ZPBP: variants seen among roughly 807,000 people sequenced by gnomAD.
The protein encoded by ZPBP is zona pellucida-binding protein 1.
ZPBP carries 26 observed loss-of-function variants against 44.8 expected under a neutral mutation model. That is an observed-to-expected ratio of 0.58 (90% CI 0.43 to 0.81). ZPBP has a LOEUF of 0.81. Ranked by LOEUF, ZPBP falls within the 30% of genes least tolerant of loss-of-function variation. The pLI, the probability that ZPBP is intolerant of heterozygous loss-of-function variation, is 0.00. For missense variants in ZPBP, 409 were observed against 434.0 expected, an observed-to-expected ratio of 0.94 and a Z score of 0.51; for synonymous variants, 174 against 153.2, an observed-to-expected ratio of 1.14 and a Z score of -1.00.
chr7:50,048,812 G>A (rs892509596), intron 4 of ZPBP, among the ~76,000 whole-genome samples: 11 of 151,616 alleles, frequency 7.3e-5, no homozygotes, highest in East Asian at 3.9e-4. Flanking sequence ...TATAAAACAC[G>A]CAGAATGAAT....
At chr7:50,049,559 C>T (rs577547124) in intron 4 of ZPBP, among the ~76,000 whole-genome samples, 1 of 151,390 alleles carries the variant, frequency 6.6e-6, no homozygotes, top group African/African-American at 2.4e-5. Context: ...AAATAAAAAA[C>T]ACATTTATAT....
At chr7:50,024,464 TAC>T (rs34796150) in intron 5 of ZPBP, among the ~76,000 whole-genome samples, 119,041 of 151,086 alleles carry the variant, frequency 0.79, 46,973 homozygotes, top group East Asian at 0.87. Flanking sequence ...TAATGCATTA[TAC>T]ACACACACAC....
intron 2 of ZPBP, among the ~76,000 whole-genome samples, chr7:49,868,903 G>A (rs1486387644): frequency 6.6e-6 from 1 of 152,254 alleles, no homozygotes; most frequent in East Asian, 1.9e-4. Context: ...ACGGGCATGA[G>A]CCACTGCACC....
intron 1 of ZPBP, among the ~76,000 whole-genome samples, chr7:49,903,195 T>C (rs1792872511): frequency 6.6e-6 from 1 of 152,222 alleles, no homozygotes; most frequent in Non-Finnish European, 1.5e-5. Flanking sequence ...TTTGTCAGTT[T>C]CTTATAAAAC....
At chr7:50,081,689 T>A in intron 3 of ZPBP, 85 bp downstream of exon 3, 1 of 1,474,974 alleles carries the variant, frequency 6.8e-7, no homozygotes, top group Middle Eastern at 2.3e-4. Flanking sequence ...ATAACATAAA[T>A]ATGTATGAGA....
At chr7:50,061,485 G>A (rs1053482877) in intron 3 of ZPBP, among the ~76,000 whole-genome samples, 1 of 152,156 alleles carries the variant, frequency 6.6e-6, no homozygotes, top group Non-Finnish European at 1.5e-5. Context: ...CAGATCATTT[G>A]AGGCCATGAG....
intron 2 of ZPBP, among the ~76,000 whole-genome samples, chr7:50,086,678 T>A (rs1488922569): frequency 6.6e-6 from 1 of 151,696 alleles, no homozygotes; most frequent in Non-Finnish European, 1.5e-5. Context: ...AAAAAAAGAA[T>A]AAAGATCAAT....
intron 2 of ZPBP, among the ~76,000 whole-genome samples, chr7:49,895,935 TTAAG>T (rs1405676918): frequency 6.6e-6 from 1 of 152,228 alleles, no homozygotes; most frequent in Non-Finnish European, 1.5e-5. Context: ...ATACATTCTC[TTAAG>T]TAATTCATAT....
chr7:49,950,297 T>C (rs1344944301), intron 7 of ZPBP, among the ~76,000 whole-genome samples: 1 of 151,910 alleles, frequency 6.6e-6, no homozygotes, highest in Non-Finnish European at 1.5e-5. Context: ...CAGTCTTGAC[T>C]GGATAGATTC....
At chr7:49,870,121 C>T (rs777789292) in intron 2 of ZPBP, among the ~76,000 whole-genome samples, 5 of 152,200 alleles carry the variant, frequency 3.3e-5, no homozygotes, top group Admixed American at 6.5e-5. Flanking sequence ...AACATTTTCG[C>T]TGGGTGCGGT....
chr7:50,052,544 G>A (rs1800746167), intron 4 of ZPBP, among the ~76,000 whole-genome samples: 1 of 152,010 alleles, frequency 6.6e-6, no homozygotes, highest in Non-Finnish European at 1.5e-5. Flanking sequence ...CAGTTTGGCA[G>A]TTTTTTATAA....
chr7:50,023,308 C>A (rs1001795584), intron 5 of ZPBP, among the ~76,000 whole-genome samples: 2 of 152,016 alleles, frequency 1.3e-5, no homozygotes, highest in Non-Finnish European at 2.9e-5. Context: ...TGCTTACCCC[C>A]CATACATGCA....
chr7:49,940,709 T>TA lies in ZPBP; in HGVS notation c.962-3088dup. On this transcript the variant is annotated intron_variant, in intron 7 of 7. Transcript: ENST00000046087. ...TAAAAAAAAAAAATTGTGGCATTTT[T>TA]ACTCACCACTGTCCCACCTCCTTCC... 4.1e-6 allele frequency: 4 copies of TA among 978,426 alleles called. No homozygotes were observed. The South Asian group carries it at 1.9e-4, about 46-fold the overall frequency. The allele number at this position is 978,426 out of a possible 1,614,324, so 60.6% of individuals were successfully genotyped here.
intron 4 of ZPBP, among the ~76,000 whole-genome samples, chr7:50,035,152 G>A (rs1233570688): frequency 6.6e-6 from 1 of 152,144 alleles, no homozygotes; most frequent in Non-Finnish European, 1.5e-5. Context: ...CCTATGTTTT[G>A]TCACTAAATT....
chr7:49,858,799 AAT>A (rs1190409030), intron 2 of ZPBP, among the ~76,000 whole-genome samples: 1 of 152,198 alleles, frequency 6.6e-6, no homozygotes, highest in African/African-American at 2.4e-5. Flanking sequence ...TAGTATTAAA[AAT>A]GTTACTTATT....
At chr7:49,873,536 G>C (rs983948006) in intron 2 of ZPBP, among the ~76,000 whole-genome samples, 2 of 152,182 alleles carry the variant, frequency 1.3e-5, no homozygotes, top group African/African-American at 4.8e-5. Flanking sequence ...CACAGCGGTT[G>C]GCTAGAGTGT....
intron 1 of ZPBP, chr7:49,917,302 C>CTTT (rs1793774123): frequency 6.6e-6 from 1 of 152,146 alleles, no homozygotes; most frequent in Non-Finnish European, 1.5e-5. Context: ...CTAGCCTTAA[C>CTTT]ACAAAGATTT....
chr7:49,879,759 C>A (rs562952008), intron 2 of ZPBP, among the ~76,000 whole-genome samples: 35 of 152,004 alleles, frequency 2.3e-4, no homozygotes, highest in African/African-American at 8.2e-4. Flanking sequence ...TTTAAATAGG[C>A]CCTTTGCTAT....
intron 7 of ZPBP, among the ~76,000 whole-genome samples, chr7:49,968,258 A>G (rs1796142483): frequency 6.6e-6 from 1 of 152,046 alleles, no homozygotes; most frequent in Non-Finnish European, 1.5e-5. Context: ...TTTTCCTGAA[A>G]TTTAAACAGA....
Sources: allele counts gnomAD v4.1 joint callset (sites outside exome capture counted in the v4.1 genomes callset), GRCh38; gene constraint gnomAD v4.1.1; transcripts MANE v1.5; gene names NCBI Gene and HGNC (gene_info 2026-07-23, HGNC 2026-07-21).